Variants in PLCL1 observed in about 807,000 individuals in gnomAD.
The protein encoded by PLCL1 is phospholipase C like 1 (inactive).
In PLCL1, 41 loss-of-function variants were observed where a neutral mutation model predicts 84.4. The observed-to-expected ratio is 0.49, with a 90% CI of 0.38 to 0.63. The LOEUF (loss-of-function observed/expected upper bound fraction) is 0.63, where lower values mean the gene tolerates loss of function less well. PLCL1 is among the 30% of genes least tolerant of loss of function. The probability of loss-of-function intolerance (pLI) is 0.00; values close to 1 mark genes in which losing one functional copy is unlikely to be tolerated. For synonymous variants in PLCL1, 490 were observed against 488.3 expected, an observed-to-expected ratio of 1.00 and a Z score of -0.05; for missense variants, 1,206 against 1,367.8, an observed-to-expected ratio of 0.88 and a Z score of 1.87.
chr2:198,064,644 G>A (rs138835410), intron 1 of PLCL1, among the ~76,000 whole-genome samples: 116 of 152,232 alleles, frequency 7.6e-4, no homozygotes, highest in African/African-American at 2.6e-3. Context: ...CATTGTTATA[G>A]TCTTAGTATG....
intron 1 of PLCL1, among the ~76,000 whole-genome samples, chr2:197,855,133 G>A (rs980037159): frequency 6.6e-6 from 1 of 152,162 alleles, no homozygotes; most frequent in Admixed American, 6.5e-5. Flanking sequence ...GGAAACTGGG[G>A]AAAGAATTTT....
chr2:197,954,163 C>T (rs1438879430), intron 1 of PLCL1, among the ~76,000 whole-genome samples: 3 of 152,074 alleles, frequency 2.0e-5, no homozygotes, highest in African/African-American at 7.2e-5. Flanking sequence ...GCATGAAATG[C>T]CTTATGTTTT....
At position 198,085,382 on chromosome 2, in the gene PLCL1, G is replaced by A. The variant is rs368662764; in HGVS notation, c.1865G>A (p.Arg622His). The change falls in exon 2 of 6, where the codon CGC becomes CAC. Residue 622 changes from arginine to histidine, a missense_variant. By Grantham distance (29) the Arg-to-His change is conservative. Transcript: ENST00000428675. The surrounding 1 kb of genome is among the most constrained non-coding windows in gnomAD (Gnocchi z 5.3). ...MCSFSETEAS[R>H]IANEYPEDFV... ...TCATTTAGTGAAACAGAGGCCAGCC[G>A]CATTGCAAATGAGTACCCAGAGGAT... 4 of 1,611,308 alleles carry A rather than the reference G, an allele frequency of 2.5e-6. No homozygotes were observed. Among genetic ancestry groups the A allele is most frequent in the Non-Finnish European group, 2.5e-6 (3 of 1,177,818 alleles).
At chr2:197,939,970 C>T (rs191107464) in intron 1 of PLCL1, among the ~76,000 whole-genome samples, 6 of 152,168 alleles carry the variant, frequency 3.9e-5, no homozygotes, top group African/African-American at 1.2e-4. Flanking sequence ...TGATTTGATC[C>T]GTGTGGGGTG....
chr2:198,058,769 T>A (rs1477741444), intron 1 of PLCL1, among the ~76,000 whole-genome samples: 2 of 152,118 alleles, frequency 1.3e-5, no homozygotes, highest in Admixed American at 1.3e-4. Context: ...CTTTTTAGAT[T>A]TTAGTATAAA....
intron 1 of PLCL1, among the ~76,000 whole-genome samples, chr2:198,049,102 T>G (rs2105866659): frequency 6.6e-6 from 1 of 152,300 alleles, no homozygotes; most frequent in Admixed American, 6.5e-5. Context: ...GGATTGAGTG[T>G]TTAATGCTCA....
intron 5 of PLCL1, among the ~76,000 whole-genome samples, chr2:198,110,917 A>G (rs892661722): frequency 6.6e-6 from 1 of 151,868 alleles, no homozygotes; most frequent in Non-Finnish European, 1.5e-5. Flanking sequence ...CAGAAAAAAA[A>G]GTATATTTAC....
At chr2:198,128,643 G>A (rs111766101) in intron 5 of PLCL1, among the ~76,000 whole-genome samples, 2,505 of 152,222 alleles carry the variant, frequency 0.016, 32 homozygotes, top group African/African-American at 0.031. Flanking sequence ...GATCTTAGGA[G>A]CAGTTTAGGG....
At chr2:197,841,671 A>G (rs1239793027) in intron 1 of PLCL1, among the ~76,000 whole-genome samples, 1 of 152,240 alleles carries the variant, frequency 6.6e-6, no homozygotes, top group African/African-American at 2.4e-5. Context: ...AAACTGCTAT[A>G]AACATTTGTG....
intron 1 of PLCL1, among the ~76,000 whole-genome samples, chr2:198,019,512 C>T (rs1691082694): frequency 6.6e-6 from 1 of 152,010 alleles, no homozygotes; most frequent in Admixed American, 6.5e-5. Context: ...GAATTGCTAA[C>T]TAGAATAACT....
intron 1 of PLCL1, among the ~76,000 whole-genome samples, chr2:198,046,276 T>G (rs1207975176): frequency 1.3e-5 from 2 of 152,216 alleles, no homozygotes; most frequent in South Asian, 2.1e-4. Context: ...TCAACTAAGT[T>G]TAGTTAAACT....
At chr2:198,025,787 A>G (rs1413041889) in intron 1 of PLCL1, among the ~76,000 whole-genome samples, 1 of 152,172 alleles carries the variant, frequency 6.6e-6, no homozygotes, top group Non-Finnish European at 1.5e-5. Flanking sequence ...AACATGGAGA[A>G]CCCAGATCAA....
At chr2:198,140,829 G>T (rs1458454283) in intron 5 of PLCL1, among the ~76,000 whole-genome samples, 1 of 151,996 alleles carries the variant, frequency 6.6e-6, no homozygotes, top group Non-Finnish European at 1.5e-5. Flanking sequence ...GAACTAAAAA[G>T]ATTTATTTAT....
intron 1 of PLCL1, among the ~76,000 whole-genome samples, chr2:198,055,938 C>T (rs563960213): frequency 6.6e-6 from 1 of 152,262 alleles, no homozygotes; most frequent in East Asian, 1.9e-4. Context: ...AACCTCCAAG[C>T]TTATGGCTGG....
intron 1 of PLCL1, among the ~76,000 whole-genome samples, chr2:198,045,918 C>A (rs1213159217): frequency 6.6e-6 from 1 of 152,156 alleles, no homozygotes; most frequent in Non-Finnish European, 1.5e-5. Context: ...TGACAGAGAT[C>A]TTCATTGCAT....
intron 1 of PLCL1, among the ~76,000 whole-genome samples, chr2:197,946,708 C>A (rs1189252624): frequency 6.6e-6 from 1 of 152,168 alleles, no homozygotes; most frequent in East Asian, 1.9e-4. Flanking sequence ...CTCCTGCAGG[C>A]TCCTTTCCTT....
Position 198,101,337 on chromosome 2 carries a change from A to T in PLCL1, c.2972A>T (p.Lys991Met). Residue 991 changes from lysine (K) to methionine (M), a missense_variant, in exon 4 of 6, where the codon AAG becomes ATG. Lys to Met is a moderately conservative substitution (Grantham distance 95). Transcript: ENST00000428675. ...LIEMADTVQEKIVQCQKAGME... is the reference protein window; with the variant it reads ...LIEMADTVQEMIVQCQKAGME... The stretch of plus-strand genomic sequence containing the variant: ...GAAATGGCGGACACAGTCCAGGAAA[A>T]GATTGTACAGTGTCAGAAAGCAGGT... The T allele has an allele frequency of 6.3e-7, 1 of 1,583,314 alleles. No homozygotes were observed.
At chr2:197,848,189 A>C (rs1365930721) in intron 1 of PLCL1, among the ~76,000 whole-genome samples, 1 of 152,184 alleles carries the variant, frequency 6.6e-6, no homozygotes, top group Non-Finnish European at 1.5e-5. Flanking sequence ...GAACTGTTTC[A>C]TTGAAAGGTA....
intron 1 of PLCL1, among the ~76,000 whole-genome samples, chr2:198,039,783 T>G (rs1691618271): frequency 6.6e-6 from 1 of 152,220 alleles, no homozygotes; most frequent in Non-Finnish European, 1.5e-5. Flanking sequence ...TGAACATCTA[T>G]GAGTCAGGTA....
Sources: allele counts gnomAD v4.1 joint callset (sites outside exome capture counted in the v4.1 genomes callset), GRCh38; gene constraint gnomAD v4.1.1; non-coding constraint Gnocchi (gnomAD v3.1); transcripts MANE v1.5; gene names NCBI Gene and HGNC (gene_info 2026-07-23, HGNC 2026-07-21).